MGAM2: variants seen among roughly 807,000 people sequenced by gnomAD.
MGAM2 encodes the protein probable maltase-glucoamylase 2.
Under a neutral mutation model 96.1 loss-of-function variants are expected in MGAM2, and 98 were observed. The observed-to-expected ratio is 1.02, with a 90% confidence interval of 0.87 to 1.21. The LOEUF (loss-of-function observed/expected upper bound fraction) is 1.21, where lower values mean the gene tolerates loss of function less well. Ranked by LOEUF, MGAM2 falls within the 50% of genes most tolerant of loss-of-function variation. The probability of loss-of-function intolerance (pLI) is 0.00; values close to 1 mark genes in which losing one functional copy is unlikely to be tolerated. For synonymous variants in MGAM2, 749 were observed against 414.8 expected (o/e 1.81, Z -9.79); for missense variants, 2,055 against 1,182.4 (o/e 1.74, Z -10.82).
intron 15 of MGAM2, among the ~76,000 whole-genome samples, chr7:142,153,235 C>T (rs563721049): frequency 2.6e-4 from 39 of 152,204 alleles, no homozygotes; most frequent in Non-Finnish European, 4.4e-4. Flanking sequence ...CTCCTGACCT[C>T]GTGATCCACC....
At chr7:142,171,635 T>TAC (rs1563274203) in intron 28 of MGAM2, among the ~76,000 whole-genome samples, 195 bp downstream of exon 28, 1 of 78,306 alleles carries the variant, frequency 1.3e-5, no homozygotes, top group Non-Finnish European at 2.5e-5. Flanking sequence ...TATATATATA[T>TAC]ATATATATAT....
At chr7:142,207,868 A>T (rs1445969143) in intron 45 of MGAM2, among the ~76,000 whole-genome samples, 1 of 152,160 alleles carries the variant, frequency 6.6e-6, no homozygotes, top group Admixed American at 6.5e-5. Context: ...CAGAGAAGGT[A>T]TAGGGAAGAA....
At position 142,198,130 on chromosome 7, in the gene MGAM2, A is replaced by G. The variant is rs1348099446; in HGVS notation, c.4867-9A>G. On this transcript the variant is annotated splice_polypyrimidine_tract_variant and intron_variant, in intron 42 of 47. Coordinates refer to ENST00000477922, the MANE Select transcript of MGAM2 (RefSeq NM_001293626.2). ...ATATTCATAATGACATGTCAATTTT[A>G]TGTTTCAGAGCACATTTGAGATCTC... The G allele has an allele frequency of 1.4e-6, 1 of 702,000 alleles. No individual in the cohort carries two copies. The highest frequency in any genetic ancestry group is 1.5e-5 in the South Asian group (1 of 67,230). 43.5% of individuals were successfully genotyped at this position (702,000 alleles called of 1,614,324 possible). A position where few individuals can be genotyped will look rare whatever the true frequency, so the allele number is the denominator to read the frequency against.
chr7:142,120,194 G>A (rs1013946837), intron 2 of MGAM2, 108 bp from the exon 3 acceptor site: 4 of 635,330 alleles, frequency 6.3e-6, no homozygotes, highest in African/African-American at 5.4e-5. Flanking sequence ...AGCTACCGGT[G>A]ATCTGTTGTG....
chr7:142,169,277 C>A (rs1443594490), intron 26 of MGAM2, among the ~76,000 whole-genome samples: 2 of 152,046 alleles, frequency 1.3e-5, no homozygotes, highest in Admixed American at 1.3e-4. Flanking sequence ...AAAAAATTAG[C>A]CAGGCCTGGT....
rs1585206540 is a variant in MGAM2 at position 142,195,577 on chromosome 7, G to A, written c.4347-577G>A. ...TCACCATGTTGGCCAGGCTGGTCTT[G>A]AATTCCTGACCTCAAGTGATCCACC... On this transcript the variant is annotated intron_variant, in intron 37 of 47. Transcript: ENST00000477922. Among the ~76,000 whole-genome samples, 2 of 149,672 alleles carry A rather than the reference G, an allele frequency of 1.3e-5. 1 individual carries two copies. Among genetic ancestry groups the A allele is most frequent in the Middle Eastern group, 6.9e-3 (2 of 290 alleles).
In MGAM2 at chr7:142,113,318, C is replaced by A. The variant is rs73536312; in HGVS notation, c.-1+1511C>A. On this transcript the variant is annotated intron_variant, in intron 1 of 47. Coordinates refer to ENST00000477922, the MANE Select transcript of MGAM2 (RefSeq NM_001293626.2). ...AGACGCTGAGCAGCTGGGGTTAGGA[C>A]GTGCCATGAAGACCTTTGATCACAA... 5.0e-3 allele frequency among the ~76,000 whole-genome samples: 763 copies of A among 152,096 alleles called. 2 individuals carry two copies. The highest frequency in any genetic ancestry group is 0.016 in the African/African-American group (658 of 41,504).
At chr7:142,207,613 TA>T (rs1797449038) in intron 45 of MGAM2, among the ~76,000 whole-genome samples, 1 of 151,780 alleles carries the variant, frequency 6.6e-6, no homozygotes, top group Non-Finnish European at 1.5e-5. Context: ...GTATTTTTAG[TA>T]GGGACAGGGT....
At chr7:142,183,876 C>A (rs2129095120) in intron 33 of MGAM2, among the ~76,000 whole-genome samples, 1 of 143,130 alleles carries the variant, frequency 7.0e-6, no homozygotes, top group South Asian at 2.2e-4. Context: ...GTGATAATAG[C>A]TTTTAGCCTA....
chr7:142,149,439 T>C (rs969691892), intron 15 of MGAM2, among the ~76,000 whole-genome samples: 2 of 152,262 alleles, frequency 1.3e-5, no homozygotes, highest in Admixed American at 6.5e-5. Context: ...GTTTTCACTG[T>C]AATTAATTCT....
At chr7:142,145,976 C>G (rs1795370191) in intron 14 of MGAM2, among the ~76,000 whole-genome samples, 1 of 152,096 alleles carries the variant, frequency 6.6e-6, no homozygotes, top group African/African-American at 2.4e-5. Context: ...GACCAAGGTA[C>G]AGCTGTTTCT....
At chr7:142,167,695 C>T (rs1796070261) in intron 26 of MGAM2, among the ~76,000 whole-genome samples, 2 of 152,214 alleles carry the variant, frequency 1.3e-5, no homozygotes, top group Admixed American at 6.5e-5. Context: ...ACCTCAGCCT[C>T]CCAAGTAGCC....
At chr7:142,158,471 A>G (rs1382454520) in intron 19 of MGAM2, 139 bp downstream of exon 19, 2 of 579,794 alleles carry the variant, frequency 3.4e-6, no homozygotes, top group Non-Finnish European at 6.1e-6. Context: ...AAAGTTTAGA[A>G]ATTTTTTAAA....
chr7:142,218,659 C>T (rs1023669446), intron 47 of MGAM2, 128 bp downstream of exon 47: 22 of 575,980 alleles, frequency 3.8e-5, no homozygotes, highest in Middle Eastern at 3.5e-4. Context: ...GTTATAAATA[C>T]GTGCAATAGA....
chr7:142,147,816 A>G (rs1432906975), intron 15 of MGAM2, among the ~76,000 whole-genome samples: 3 of 152,186 alleles, frequency 2.0e-5, no homozygotes, highest in Non-Finnish European at 4.4e-5. Context: ...AGGCAATACT[A>G]TGTAAGGCAT....
At chr7:142,187,683 T>C in intron 35 of MGAM2, 67 bp from the exon 36 acceptor site, 1 of 678,848 alleles carries the variant, frequency 1.5e-6, no homozygotes, top group African/African-American at 1.8e-5. Context: ...CCTGAGTTAG[T>C]GTCCTCTATA....
chr7:142,163,344 C>T (rs1255421836), intron 23 of MGAM2, among the ~76,000 whole-genome samples: 1 of 152,164 alleles, frequency 6.6e-6, no homozygotes, highest in African/African-American at 2.4e-5. Context: ...TGCAAGGGCA[C>T]GATCTCAGCC....
intron 7 of MGAM2, among the ~76,000 whole-genome samples, chr7:142,136,230 G>A (rs1216042555): frequency 6.6e-6 from 1 of 152,076 alleles, no homozygotes; most frequent in East Asian, 1.9e-4. Context: ...TCATATCAAT[G>A]AAATCATACA....
At chr7:142,177,603 T>A (rs563746749) in intron 32 of MGAM2, among the ~76,000 whole-genome samples, 5 of 152,322 alleles carry the variant, frequency 3.3e-5, no homozygotes, top group South Asian at 2.1e-4. Context: ...CTCCCACTTA[T>A]AAGTGAGAAC....
Sources: gnomAD v4.1 joint callset for allele counts (sites outside exome capture counted in the v4.1 genomes callset) on GRCh38, gnomAD v4.1.1 for gene constraint, MANE v1.5 for transcripts, NCBI Gene and HGNC (gene_info 2026-07-23, HGNC 2026-07-21) for gene names.